GRIN2A: variants seen among roughly 807,000 people sequenced by gnomAD.
GRIN2A encodes the protein glutamate receptor ionotropic, NMDA 2A.
Under a neutral mutation model 113.4 loss-of-function variants are expected in GRIN2A, and 22 were observed. That is an observed-to-expected ratio of 0.19 (90% CI 0.14 to 0.28). The LOEUF is 0.28. GRIN2A is among the 10% of genes least tolerant of loss of function. The pLI, the probability that GRIN2A is intolerant of heterozygous loss-of-function variation, is 1.00. For synonymous variants in GRIN2A, 827 were observed against 738.4 expected (o/e 1.12, Z -1.94); for missense variants, 1,502 against 1,887.0 (o/e 0.80, Z 3.78).
At chr16:10,050,524 T>A (rs931349780) in intron 2 of GRIN2A, among the ~76,000 whole-genome samples, 11 of 151,934 alleles carry the variant, frequency 7.2e-5, no homozygotes, top group African/African-American at 2.7e-4. Flanking sequence ...ATGCTCCTTA[T>A]GAGAATCTAA....
intron 9 of GRIN2A, among the ~76,000 whole-genome samples, chr16:9,823,723 G>T (rs1386453635): frequency 6.6e-6 from 1 of 152,142 alleles, no homozygotes; most frequent in African/African-American, 2.4e-5. Context: ...GAAAACTGAG[G>T]CTCAGAGAGG....
At chr16:9,793,703 C>T (rs564472819) in intron 11 of GRIN2A, among the ~76,000 whole-genome samples, 5 of 152,018 alleles carry the variant, frequency 3.3e-5, no homozygotes, top group South Asian at 2.1e-4. Context: ...AGTTATGTCT[C>T]GTATTTCTCC....
chr16:9,861,516 T>A (rs184935609), intron 4 of GRIN2A, among the ~76,000 whole-genome samples: 101 of 152,326 alleles, frequency 6.6e-4, no homozygotes, highest in African/African-American at 2.1e-3. Flanking sequence ...GGGTTGCTGC[T>A]TGAAACCAAA....
chr16:10,152,800 C>T (rs554420803), intron 2 of GRIN2A, among the ~76,000 whole-genome samples: 37 of 152,236 alleles, frequency 2.4e-4, no homozygotes, highest in African/African-American at 8.7e-4. Context: ...ATTGAGGGAC[C>T]TTAAATGCAT....
At position 9,755,600 on chromosome 16, in the gene GRIN2A, A is replaced by T. The variant is rs1257830414; in HGVS notation, c.*7549T>A. ...GTGTCCTCATCCATCAAATGGGCCT[A>T]ATGCACCCCTCACCTCTCAGTAAAT... On this transcript the variant is annotated 3_prime_UTR_variant, in exon 13 of 13. Transcript: ENST00000330684. 1.6e-5 allele frequency: 3 copies of T among 185,152 alleles called. No individual in the cohort carries two copies. Among genetic ancestry groups the T allele is most frequent in the Non-Finnish European group, 3.4e-5 (3 of 87,444 alleles). 11.5% of individuals were successfully genotyped at this position (185,152 alleles called of 1,614,324 possible).
At chr16:9,898,377 T>C (rs1022347927) in intron 3 of GRIN2A, among the ~76,000 whole-genome samples, 1 of 152,320 alleles carries the variant, frequency 6.6e-6, no homozygotes. Flanking sequence ...ATGGGCTGCA[T>C]AAGCTTCTTT....
intron 2 of GRIN2A, among the ~76,000 whole-genome samples, chr16:10,040,709 C>T (rs2047149993): frequency 6.6e-6 from 1 of 152,190 alleles, no homozygotes; most frequent in Admixed American, 6.5e-5. Context: ...ACCACACATA[C>T]ACACACCATA....
At chr16:9,880,296 A>C (rs1189414809) in intron 4 of GRIN2A, among the ~76,000 whole-genome samples, 1 of 152,200 alleles carries the variant, frequency 6.6e-6, no homozygotes, top group African/African-American at 2.4e-5. Context: ...TCGATCCTCA[A>C]ATGTAGAAGT....
chr16:9,773,869 T>G (rs1434842573), intron 11 of GRIN2A, among the ~76,000 whole-genome samples: 1 of 152,216 alleles, frequency 6.6e-6, no homozygotes, highest in Non-Finnish European at 1.5e-5. Flanking sequence ...GTCACTCTTT[T>G]CCTAATGCTG....
chr16:9,944,683 C>T (rs970072052), intron 2 of GRIN2A, among the ~76,000 whole-genome samples: 3 of 151,964 alleles, frequency 2.0e-5, no homozygotes, highest in Non-Finnish European at 2.9e-5. Flanking sequence ...GGTAGGGCAC[C>T]GTGCCCTCCT....
At chr16:10,105,191 C>G (rs1337964717) in intron 2 of GRIN2A, among the ~76,000 whole-genome samples, 4 of 152,082 alleles carry the variant, frequency 2.6e-5, no homozygotes, top group African/African-American at 9.7e-5. Context: ...CCCTGAACCC[C>G]TGACAAAAAG....
intron 11 of GRIN2A, among the ~76,000 whole-genome samples, chr16:9,791,341 C>G (rs1314589341): frequency 2.0e-5 from 3 of 151,914 alleles, no homozygotes; most frequent in African/African-American, 7.3e-5. Flanking sequence ...TGCAGCAATC[C>G]ACACTTATCT....
At chr16:10,137,564 C>T (rs964345068) in intron 2 of GRIN2A, among the ~76,000 whole-genome samples, 7 of 152,186 alleles carry the variant, frequency 4.6e-5, no homozygotes, top group African/African-American at 1.7e-4. Context: ...CATATTCAGG[C>T]ACTCGATTAT....
At chr16:9,773,777 C>G (rs748833776) in intron 11 of GRIN2A, among the ~76,000 whole-genome samples, 23 of 152,158 alleles carry the variant, frequency 1.5e-4, no homozygotes, top group Non-Finnish European at 3.1e-4. Context: ...ATGTTTCCAG[C>G]CACAAGTATC....
chr16:10,055,444 A>G (rs2047441583), intron 2 of GRIN2A, among the ~76,000 whole-genome samples: 1 of 152,206 alleles, frequency 6.6e-6, no homozygotes, highest in African/African-American at 2.4e-5. Flanking sequence ...CTGGTTTTGA[A>G]AGAGAAAAAG....
At position 10,013,591 on chromosome 16, in the gene GRIN2A, C is replaced by T. The variant is rs375909142; in HGVS notation, c.415-75040G>A. The stretch of plus-strand genomic sequence containing the variant: ...ATGCCCTCTGCCTTTCTTCCTGAGA[C>T]CTTCCTGGAATCATAGCTCTTCTCT... On this transcript the variant is annotated intron_variant, in intron 2 of 12. Coordinates refer to ENST00000330684, the MANE Select transcript of GRIN2A (RefSeq NM_001134407.3). Among the ~76,000 whole-genome samples the T allele has an allele frequency of 6.6e-5, 10 of 152,158 alleles. No homozygotes were observed. In the East Asian group the frequency reaches 7.7e-4, roughly 12 times the overall value.
chr16:9,946,289 G>A (rs1165831633), intron 2 of GRIN2A, among the ~76,000 whole-genome samples: 1 of 152,134 alleles, frequency 6.6e-6, no homozygotes, highest in Non-Finnish European at 1.5e-5. Context: ...GATTGTCTGG[G>A]GCTAGGTCCA....
intron 2 of GRIN2A, among the ~76,000 whole-genome samples, chr16:10,140,757 G>A (rs2049311195): frequency 6.6e-6 from 1 of 152,166 alleles, no homozygotes; most frequent in African/African-American, 2.4e-5. Context: ...AGTTAGCCCT[G>A]GGACTTCTGA....
chr16:10,131,052 A>C (rs961385863), intron 2 of GRIN2A, among the ~76,000 whole-genome samples: 3 of 152,348 alleles, frequency 2.0e-5, no homozygotes, highest in Non-Finnish European at 2.9e-5. Flanking sequence ...CTTTTGTTAG[A>C]AAAGCACTTA....
Sources: gnomAD v4.1 joint callset for allele counts (sites outside exome capture counted in the v4.1 genomes callset) on GRCh38, gnomAD v4.1.1 for gene constraint, MANE v1.5 for transcripts, NCBI Gene and HGNC (gene_info 2026-07-23, HGNC 2026-07-21) for gene names.